COL5A2: variants seen among roughly 807,000 people sequenced by gnomAD.
The protein encoded by COL5A2 is collagen type V alpha 2 chain.
A neutral mutation model predicts 208.2 loss-of-function variants in COL5A2; 23 were observed. That is an observed-to-expected ratio of 0.11 (90% confidence interval 0.08 to 0.16). The LOEUF is 0.16. Among genes scored for constraint, COL5A2 ranks in the 10% least tolerant of loss-of-function variants. The pLI is 1.00. For missense variants in COL5A2, 1,590 were observed against 1,956.4 expected (o/e 0.81, Z 3.53); for synonymous variants, 625 against 628.5 (o/e 0.99, Z 0.08).
At chr2:189,337,407 C>T in the COL5A2 span, among the ~76,000 whole-genome samples, 852 of 152,064 alleles carry the variant, frequency 5.6e-3, 12 homozygotes, top group African/African-American at 0.019. Context: ...TGGTCTCGAT[C>T]TCCTGACCTC....
At chr2:189,084,316 A>G (rs1303126373) in intron 11 of COL5A2, among the ~76,000 whole-genome samples, 1 of 152,198 alleles carries the variant, frequency 6.6e-6, no homozygotes. Context: ...CTATTTTATG[A>G]ACATCAAAAT....
At chr2:189,193,840 C>T (rs999281890) in intron 1 of COL5A2, among the ~76,000 whole-genome samples, 1 of 152,128 alleles carries the variant, frequency 6.6e-6, no homozygotes, top group African/African-American at 2.4e-5. Flanking sequence ...TTTTCATATA[C>T]TTTAACCATA....
the COL5A2 span, among the ~76,000 whole-genome samples, chr2:189,362,765 A>C: frequency 6.6e-6 from 1 of 152,178 alleles, no homozygotes; most frequent in Non-Finnish European, 1.5e-5. Context: ...AACAAATGAA[A>C]GAGTAGAACA....
chr2:189,100,042 T>G (rs1439986971), intron 4 of COL5A2, 65 bp downstream of exon 4: 4 of 1,350,902 alleles, frequency 3.0e-6, no homozygotes, highest in Non-Finnish European at 4.2e-6. Flanking sequence ...AGCAATAATA[T>G]ACAATTATAC....
chr2:189,147,084 T>C (rs891011866), intron 1 of COL5A2, among the ~76,000 whole-genome samples: 2 of 152,182 alleles, frequency 1.3e-5, no homozygotes, highest in Non-Finnish European at 2.9e-5. Context: ...AATTGTATTA[T>C]TGGGGTAATA....
At position 189,094,588 on chromosome 2, in the gene COL5A2, G is replaced by GACACACACACACACACACACACAC. The variant is rs1175370532; in HGVS notation, c.457-2192_457-2169dup. On this transcript the variant is annotated intron_variant, in intron 6 of 53. Coordinates refer to ENST00000374866, the MANE Select transcript of COL5A2 (RefSeq NM_000393.5). ...TTTCTCTCTCTCTCTCTTTCTCTCT[G>GACACACACACACACACACACACAC]ACACACACACACACACACACACACA... Among the ~76,000 whole-genome samples, 28 of 11,688 alleles carry GACACACACACACACACACACACAC rather than the reference G, an allele frequency of 2.4e-3. 4 individuals are homozygous for GACACACACACACACACACACACAC. The highest frequency in any genetic ancestry group is 4.2e-3 in the South Asian group (1 of 238). 7.7% of individuals were successfully genotyped at this position (11,688 alleles called of 152,430 possible).
At chr2:189,365,850 G>A in the COL5A2 span, among the ~76,000 whole-genome samples, 614 of 152,276 alleles carry the variant, frequency 4.0e-3, 7 homozygotes, top group African/African-American at 0.014. Context: ...ACCAGTAAAG[G>A]TGAAAAAGGC....
chr2:189,229,527 A>G (rs1479512740), upstream of COL5A2, among the ~76,000 whole-genome samples: 1 of 151,718 alleles, frequency 6.6e-6, no homozygotes, highest in Non-Finnish European at 1.5e-5. Flanking sequence ...TTGTGTTTCT[A>G]TGCACTAACA....
intron 10 of COL5A2, 142 bp from the exon 11 acceptor site, chr2:189,085,355 A>G: frequency 1.2e-6 from 1 of 854,594 alleles, no homozygotes; most frequent in Non-Finnish European, 1.9e-6. Context: ...TGAGACAGAG[A>G]AAATAGTTTT....
the COL5A2 span, among the ~76,000 whole-genome samples, chr2:189,323,665 TAA>T: frequency 6.6e-6 from 1 of 151,976 alleles, no homozygotes; most frequent in South Asian, 2.1e-4. Context: ...CTCAATGAAA[TAA>T]AAGAGGACAC....
chr2:189,157,903 T>C (rs1231010072), intron 1 of COL5A2, among the ~76,000 whole-genome samples: 2 of 152,000 alleles, frequency 1.3e-5, no homozygotes, highest in Non-Finnish European at 2.9e-5. Flanking sequence ...ACAATATTTT[T>C]GTGGCAACTA....
the COL5A2 span, among the ~76,000 whole-genome samples, chr2:189,354,902 C>T: frequency 6.6e-6 from 1 of 152,256 alleles, no homozygotes; most frequent in Admixed American, 6.5e-5. Flanking sequence ...TTCCTGCTTT[C>T]TCTTGTGGGT....
At chr2:189,167,552 C>T (rs1688489945) in intron 1 of COL5A2, among the ~76,000 whole-genome samples, 1 of 151,948 alleles carries the variant, frequency 6.6e-6, no homozygotes, top group Non-Finnish European at 1.5e-5. Flanking sequence ...TTCAGTTCAG[C>T]TACACTATGC....
In COL5A2 at chr2:189,039,419, C is replaced by T. The variant is rs751326385; in HGVS notation, c.3778G>A (p.Asp1260Asn). ...EFTEDQAAPDDKNKTDPGVHA... is the reference protein window; with the variant it reads ...EFTEDQAAPDNKNKTDPGVHA... ...ACCCCTGGGTCCGTTTTGTTTTTGT[C>T]ATCAGGAGCCGCCTGATCTTCAGTA... Residue 1260 changes from aspartate (D) to asparagine (N), a missense_variant, in exon 51 of 54, where the codon GAC (aspartate) becomes AAC (asparagine). Transcript: ENST00000374866. 1 of 1,613,992 alleles carries T rather than the reference C, an allele frequency of 6.2e-7. No homozygotes were observed. Among genetic ancestry groups the T allele is most frequent in the African/African-American group, 1.3e-5 (1 of 74,994 alleles).
At chr2:189,061,509 A>T (rs943853918) in intron 30 of COL5A2, 53 bp downstream of exon 30, 53 of 1,341,408 alleles carry the variant, frequency 4.0e-5, no homozygotes, top group African/African-American at 3.6e-4. Context: ...TTTTAAAAAA[A>T]AAAAGCATTT....
rs1324443256 is a variant in COL5A2 at position 189,033,826 on chromosome 2, G to A, written c.*244C>T. 1.1e-5 allele frequency: 6 copies of A among 539,626 alleles called. No individual in the cohort carries two copies. The highest frequency in any genetic ancestry group is 2.0e-5 in the Non-Finnish European group (6 of 302,592). The allele number at this position is 539,626 out of a possible 1,614,324, so 33.4% of individuals were successfully genotyped here. On this transcript the variant is annotated 3_prime_UTR_variant, in exon 54 of 54. Transcript: ENST00000374866. ...TTCTGCAAAGGTGGTCATTGTCATT[G>A]GTCATCTTAAACCTAAACTGTTGTA...
the COL5A2 span, among the ~76,000 whole-genome samples, chr2:189,394,169 T>C: frequency 1.3e-5 from 2 of 152,176 alleles, no homozygotes; most frequent in Non-Finnish European, 2.9e-5. Flanking sequence ...AAGTTGTTCT[T>C]GGATAATGTT....
At chr2:189,389,961 C>G in the COL5A2 span, among the ~76,000 whole-genome samples, 1 of 152,090 alleles carries the variant, frequency 6.6e-6, no homozygotes, top group Non-Finnish European at 1.5e-5. Flanking sequence ...TTTCATGAAA[C>G]CTGGAAACAC....
At chr2:189,050,713 A>G (rs1187741285) in intron 42 of COL5A2, 37 bp from the exon 43 acceptor site, 1 of 1,502,206 alleles carries the variant, frequency 6.7e-7, no homozygotes, top group South Asian at 1.2e-5. Context: ...GAAACTATCC[A>G]GGGTAAAACT....
Sources: allele counts gnomAD v4.1 joint callset (sites outside exome capture counted in the v4.1 genomes callset), GRCh38; gene constraint gnomAD v4.1.1; transcripts MANE v1.5; gene names NCBI Gene and HGNC (gene_info 2026-07-23, HGNC 2026-07-21).